MEF2D: variants seen among roughly 807,000 people sequenced by gnomAD.
The protein encoded by MEF2D is myocyte enhancer factor 2D.
Under a neutral mutation model 59.3 loss-of-function variants are expected in MEF2D, and 10 were observed. That is an observed-to-expected ratio of 0.17 (90% CI 0.10 to 0.29). The LOEUF (loss-of-function observed/expected upper bound fraction) is 0.29, where lower values mean the gene tolerates loss of function less well. MEF2D is among the 10% of genes least tolerant of loss of function. MEF2D has a pLI of 1.00. For missense variants in MEF2D, 508 were observed against 699.4 expected, an observed-to-expected ratio of 0.73 and a Z score of 3.09; for synonymous variants, 305 against 295.0, an observed-to-expected ratio of 1.03 and a Z score of -0.35.
At chr1:156,470,751 G>T (rs1421582895) in intron 9 of MEF2D, among the ~76,000 whole-genome samples, 2 of 152,206 alleles carry the variant, frequency 1.3e-5, no homozygotes. Flanking sequence ...CTGTTGTGAG[G>T]ACTGAGCAAG....
At position 156,487,172 on chromosome 1, in the gene MEF2D, GC is replaced by G. The variant is rs199752185; in HGVS notation, c.-138-3743del. On this transcript the variant is annotated intron_variant, in intron 1 of 11. Coordinates refer to ENST00000348159, the MANE Select transcript of MEF2D (RefSeq NM_005920.4). Reference sequence around the variant, plus strand: ...AGCTCCCTGGCTGATCTCCTACACCGCCCCCCCCACCCCCGCCTCATGCTGG... The same window carrying G: ...AGCTCCCTGGCTGATCTCCTACACCGCCCCCCCACCCCCGCCTCATGCTGG... Among the ~76,000 whole-genome samples, 362 of 151,912 alleles carry G rather than the reference GC, an allele frequency of 2.4e-3. 3 individuals are homozygous for G. The highest frequency in any genetic ancestry group is 2.0e-3 in the Non-Finnish European group (133 of 67,926).
At chr1:156,483,183 G>T in intron 2 of MEF2D, 56 bp downstream of exon 2, 5 of 1,568,308 alleles carry the variant, frequency 3.2e-6, no homozygotes, top group Non-Finnish European at 4.4e-6. Flanking sequence ...AGGGAGTAGA[G>T]GCAGAGGCCT....
rs760461834 is a variant in MEF2D, at chr1:156,482,485, C to T, written c.210G>A (p.Thr70=). 27 of 1,614,102 alleles carry T rather than the reference C, an allele frequency of 1.7e-5. No homozygotes were observed. The highest frequency in any genetic ancestry group is 2.2e-5 in the Non-Finnish European group (26 of 1,180,052). The change falls in exon 3 of 12, where the codon ACG becomes ACA. Residue 70 remains threonine (T), a synonymous_variant. Transcript: ENST00000348159. ...TDMDKVLLKY[T]EYNEPHESRT... ...GGCTCTCGTGTGGCTCATTGTACTCCGTGTACTTGAGCAGCACCTTGTCCA... is the reference window on the plus strand; with the variant it reads ...GGCTCTCGTGTGGCTCATTGTACTCTGTGTACTTGAGCAGCACCTTGTCCA...
At chr1:156,495,224 C>T (rs556195282) in intron 1 of MEF2D, among the ~76,000 whole-genome samples, 39 of 152,174 alleles carry the variant, frequency 2.6e-4, no homozygotes, top group Non-Finnish European at 4.4e-4. Context: ...AATTTCTCCT[C>T]CTCCTCTCAG....
At chr1:156,475,979 GC>G (rs1394284383) in intron 8 of MEF2D, among the ~76,000 whole-genome samples, 1 of 152,146 alleles carries the variant, frequency 6.6e-6, no homozygotes, top group Non-Finnish European at 1.5e-5. Flanking sequence ...GTGGGAAGCT[GC>G]CACCAAGAAG....
Position 156,480,931 on chromosome 1 carries a change from TC to T in MEF2D, c.298del (p.Glu100SerfsTer70). ...TTCCAGCGAGTCCTCCCCGTCGGGC[TC>T]GGGGCTGTCGCAGCCGTTGAAGCCC... ...KKGFNGCDSP[E>X]PDGEDSLEQS... On this transcript the variant is annotated frameshift_variant, in exon 4 of 12. Coordinates refer to ENST00000348159, the MANE Select transcript of MEF2D (RefSeq NM_005920.4). LOFTEE classifies it high-confidence loss of function. 6.2e-7 allele frequency: 1 copy of T among 1,612,124 alleles called. No individual in the cohort carries two copies. Among genetic ancestry groups the T allele is most frequent in the Non-Finnish European group, 8.5e-7 (1 of 1,179,892 alleles).
chr1:156,473,584 G>A (rs1671381893), intron 9 of MEF2D, among the ~76,000 whole-genome samples: 1 of 152,210 alleles, frequency 6.6e-6, no homozygotes, highest in Non-Finnish European at 1.5e-5. Context: ...TTACTGGCAA[G>A]TCCTTCTTGA....
At chr1:156,497,080 T>C (rs114758514) in intron 1 of MEF2D, among the ~76,000 whole-genome samples, 3 of 152,340 alleles carry the variant, frequency 2.0e-5, no homozygotes, top group African/African-American at 7.2e-5. Context: ...GCTTCCCCAC[T>C]GGGAAGTTCT....
At chr1:156,478,938 T>C (rs528048758) in intron 6 of MEF2D, among the ~76,000 whole-genome samples, 4 of 152,324 alleles carry the variant, frequency 2.6e-5, no homozygotes, top group Admixed American at 2.6e-4. Context: ...TGAGTGTCTA[T>C]GTGAGTCTGT....
At chr1:156,485,031 G>A (rs1012504732) in intron 1 of MEF2D, among the ~76,000 whole-genome samples, 1 of 152,120 alleles carries the variant, frequency 6.6e-6, no homozygotes, top group African/African-American at 2.4e-5. Context: ...TTTGGGTCCT[G>A]GGAGGAGCCT....
At chr1:156,476,938 T>C in intron 7 of MEF2D, 74 bp downstream of exon 7, 1 of 1,550,566 alleles carries the variant, frequency 6.4e-7, no homozygotes, top group Non-Finnish European at 8.9e-7. Context: ...TCTCTCCTGC[T>C]AGAGGTCTGC....
At chr1:156,475,370 C>T (rs1294586145) in intron 8 of MEF2D, 133 bp from the exon 9 acceptor site, 2 of 1,037,974 alleles carry the variant, frequency 1.9e-6, no homozygotes, top group South Asian at 1.7e-5. Context: ...GAGGCCCCCA[C>T]AGATATACAA....
chr1:156,478,718 TG>T (rs1671786184), intron 6 of MEF2D, among the ~76,000 whole-genome samples: 1 of 151,964 alleles, frequency 6.6e-6, no homozygotes, highest in South Asian at 2.1e-4. Flanking sequence ...TTAGTAGAGA[TG>T]GGGTTTCTCC....
At chr1:156,484,606 C>T (rs547192012) in intron 1 of MEF2D, among the ~76,000 whole-genome samples, 3 of 152,194 alleles carry the variant, frequency 2.0e-5, no homozygotes, top group Non-Finnish European at 4.4e-5. Flanking sequence ...ATGACATACA[C>T]TGGGGAGGCC....
intron 1 of MEF2D, among the ~76,000 whole-genome samples, chr1:156,490,212 C>G (rs1418333685): frequency 6.6e-6 from 1 of 152,134 alleles, no homozygotes; most frequent in Non-Finnish European, 1.5e-5. Context: ...GCTCCCCACG[C>G]CCCTACTCCT....
chr1:156,485,503 C>T (rs911879033), intron 1 of MEF2D, among the ~76,000 whole-genome samples: 1 of 149,386 alleles, frequency 6.7e-6, no homozygotes, highest in Non-Finnish European at 1.5e-5. Context: ...TCAAACGACT[C>T]CCTACCCTTC....
At position 156,475,159 on chromosome 1, in the gene MEF2D, A is replaced by C. The variant is rs770927797; in HGVS notation, c.955T>G (p.Leu319Val). The C allele has an allele frequency of 6.2e-7, 1 of 1,614,226 alleles. No individual in the cohort carries two copies. The highest frequency in any genetic ancestry group is 8.5e-7 in the Non-Finnish European group (1 of 1,180,032). ...TPVVSVATPSLLSQGLPFSSM... is the reference protein window; with the variant it reads ...TPVVSVATPSVLSQGLPFSSM... ...GAGAAGGGGAGGCCCTGGCTGAGTA[A>C]ACTCGGCGTTGCCACAGAAACCACT... Residue 319 changes from leucine (L) to valine (V), a missense_variant, in exon 9 of 12, where the codon TTA becomes GTA. By Grantham distance (32) the Leu-to-Val change is conservative (BLOSUM62 1). Transcript: ENST00000348159.
Position 156,468,297 on chromosome 1 carries a change from G to A in MEF2D, c.1250C>T (p.Pro417Leu), listed in dbSNP as rs141847923. 1.8e-5 allele frequency: 27 copies of A among 1,541,008 alleles called. No individual in the cohort carries two copies. Among genetic ancestry groups the A allele is most frequent in the African/African-American group, 5.5e-5 (4 of 72,640 alleles). Reference protein sequence around the residue: ...LVPVSLSNLIPGSPLPHVGAA... With the variant: ...LVPVSLSNLILGSPLPHVGAA... ...ACCCACGTGGGGCAGGGGGCTGCCC[G>A]GGCTGGAGGCAGGCAATGGAAATGG... is the stretch of plus-strand genomic sequence containing the variant. The change falls in exon 11 of 12, where the codon CCG becomes CTG. Residue 417 changes from proline to leucine, a missense_variant and splice_region_variant. Coordinates refer to ENST00000348159, the MANE Select transcript of MEF2D (RefSeq NM_005920.4). This position sits in a 1 kb window ranked among gnomAD's most constrained non-coding sequence, Gnocchi z 4.3.
rs754134505 is a variant in MEF2D, at chr1:156,468,278, G to A, written c.1269C>T (p.His423=). 3.2e-6 allele frequency: 5 copies of A among 1,568,604 alleles called. No individual in the cohort carries two copies. Among genetic ancestry groups the A allele is most frequent in the South Asian group, 1.2e-5 (1 of 83,640 alleles). The change falls in exon 11 of 12, where the codon CAC becomes CAT. Residue 423 remains histidine (H), a synonymous_variant. Transcript: ENST00000348159. The surrounding 1 kb of genome is among the most constrained non-coding windows in gnomAD (Gnocchi z 4.3). The stretch of plus-strand genomic sequence containing the variant: ...TGGTGACTGTGAGGGCAGCACCCAC[G>A]TGGGGCAGGGGGCTGCCCGGGCTGG... ...SNLIPGSPLP[H]VGAALTVTTH...
Sources: allele counts gnomAD v4.1 joint callset (sites outside exome capture counted in the v4.1 genomes callset), GRCh38; gene constraint gnomAD v4.1.1; non-coding constraint Gnocchi (gnomAD v3.1); transcripts MANE v1.5; gene names NCBI Gene and HGNC (gene_info 2026-07-23, HGNC 2026-07-21).